The following KCNK2 variants were observed in gnomAD, a reference collection of about 807,000 sequenced individuals.
The protein encoded by KCNK2 is potassium two pore domain channel subfamily K member 2, also known as potassium channel subfamily K member 2.
A neutral mutation model predicts 40.5 loss-of-function variants in KCNK2; 21 were observed. The observed-to-expected ratio is 0.52, with a 90% CI of 0.37 to 0.75. KCNK2 has a LOEUF of 0.75. Ranked by LOEUF, KCNK2 falls within the 30% of genes least tolerant of loss-of-function variation. The pLI is 0.00. For missense variants in KCNK2, 399 were observed against 531.6 expected, an observed-to-expected ratio of 0.75 and a Z score of 2.45; for synonymous variants, 191 against 202.2, an observed-to-expected ratio of 0.94 and a Z score of 0.47.
intron 1 of KCNK2, among the ~76,000 whole-genome samples, chr1:215,057,599 A>C (rs1474729779): frequency 6.6e-6 from 1 of 152,062 alleles, no homozygotes; most frequent in Non-Finnish European, 1.5e-5. Context: ...TATAGCTTCT[A>C]TTTTCTGTTT....
At chr1:215,013,284 C>A (rs1345088332) in intron 1 of KCNK2, among the ~76,000 whole-genome samples, 1 of 152,134 alleles carries the variant, frequency 6.6e-6, no homozygotes, top group Non-Finnish European at 1.5e-5. Flanking sequence ...TACTAAAAAT[C>A]AGTTGACCTG....
At chr1:215,021,766 T>C (rs1160126655) in intron 1 of KCNK2, among the ~76,000 whole-genome samples, 3 of 151,912 alleles carry the variant, frequency 2.0e-5, no homozygotes, top group African/African-American at 7.3e-5. Context: ...GCAAGGATGG[T>C]CTCAATCTCC....
intron 1 of KCNK2, among the ~76,000 whole-genome samples, chr1:215,064,875 A>G (rs528817901): frequency 6.6e-6 from 1 of 152,124 alleles, no homozygotes; most frequent in Admixed American, 6.5e-5. Context: ...TCTTCCTCCC[A>G]ATTTCTTGCC....
At chr1:215,095,328 C>A (rs550519603) in intron 2 of KCNK2, among the ~76,000 whole-genome samples, 1 of 152,188 alleles carries the variant, frequency 6.6e-6, no homozygotes, top group African/African-American at 2.4e-5. Flanking sequence ...GACAGTTATA[C>A]AGGAATGCGT....
intron 1 of KCNK2, among the ~76,000 whole-genome samples, chr1:215,048,826 T>G (rs778158230): frequency 1.3e-5 from 2 of 152,204 alleles, no homozygotes; most frequent in African/African-American, 2.4e-5. Context: ...TGAGTTTGCA[T>G]GTATCAATAG....
intron 1 of KCNK2, among the ~76,000 whole-genome samples, chr1:215,012,542 G>C (rs1002265900): frequency 9.9e-5 from 15 of 150,892 alleles, no homozygotes; most frequent in African/African-American, 3.2e-4. Flanking sequence ...AACAATCATA[G>C]TTCACAGCAG....
intron 2 of KCNK2, among the ~76,000 whole-genome samples, chr1:215,093,910 T>C (rs1414278675): frequency 8.7e-6 from 1 of 114,772 alleles, no homozygotes; most frequent in Non-Finnish European, 1.7e-5. Context: ...TATTATATAT[T>C]ATATATAAAA....
chr1:215,136,782 C>T (rs1661939908), intron 3 of KCNK2, among the ~76,000 whole-genome samples: 1 of 152,122 alleles, frequency 6.6e-6, no homozygotes, highest in Non-Finnish European at 1.5e-5. Flanking sequence ...TTGGCCAAAC[C>T]AACTTCAAGG....
intron 2 of KCNK2, among the ~76,000 whole-genome samples, chr1:215,090,826 T>A (rs1376464897): frequency 6.6e-6 from 1 of 152,208 alleles, no homozygotes; most frequent in Non-Finnish European, 1.5e-5. Flanking sequence ...GACAAGGTCA[T>A]CTGGTGGCCT....
chr1:215,220,997 C>T (rs1666148141), intron 6 of KCNK2, among the ~76,000 whole-genome samples: 1 of 152,170 alleles, frequency 6.6e-6, no homozygotes, highest in Non-Finnish European at 1.5e-5. Context: ...AACAATTTAC[C>T]CTTGAACAAT....
chr1:215,047,976 G>A (rs1156896333), intron 1 of KCNK2, among the ~76,000 whole-genome samples: 1 of 152,152 alleles, frequency 6.6e-6, no homozygotes, highest in Non-Finnish European at 1.5e-5. Context: ...TTTCTTCATG[G>A]AATTTTACCA....
At chr1:215,226,812 A>T (rs1666404693) in intron 6 of KCNK2, among the ~76,000 whole-genome samples, 1 of 152,216 alleles carries the variant, frequency 6.6e-6, no homozygotes, top group Admixed American at 6.5e-5. Flanking sequence ...AATAGGCGTG[A>T]TGTTCTTCAC....
At chr1:215,048,907 A>T (rs1037336570) in intron 1 of KCNK2, among the ~76,000 whole-genome samples, 1 of 152,214 alleles carries the variant, frequency 6.6e-6, no homozygotes, top group African/African-American at 2.4e-5. Flanking sequence ...CCATTCATCC[A>T]TCAACGGCAT....
intron 1 of KCNK2, among the ~76,000 whole-genome samples, chr1:215,012,122 A>G (rs1193591279): frequency 6.6e-6 from 1 of 152,166 alleles, no homozygotes; most frequent in Non-Finnish European, 1.5e-5. Flanking sequence ...TGCCCTGGAC[A>G]TAGTTTTTTT....
At chr1:215,101,119 T>G (rs1395651596) in intron 2 of KCNK2, among the ~76,000 whole-genome samples, 2 of 152,066 alleles carry the variant, frequency 1.3e-5, no homozygotes, top group African/African-American at 4.8e-5. Context: ...GTGTTTCTGT[T>G]TTTGAAAGGC....
At chr1:215,022,552 A>G (rs2102479311) in intron 1 of KCNK2, among the ~76,000 whole-genome samples, 1 of 152,270 alleles carries the variant, frequency 6.6e-6, no homozygotes, top group South Asian at 2.1e-4. Context: ...TTATGGAACC[A>G]TTACTATTCA....
intron 3 of KCNK2, among the ~76,000 whole-genome samples, chr1:215,168,069 T>G (rs1571688539): frequency 6.6e-6 from 1 of 152,058 alleles, no homozygotes; most frequent in East Asian, 1.9e-4. Flanking sequence ...AACAGACACT[T>G]CTCAAAAGAA....
chr1:215,059,448 G>A (rs565659899), intron 1 of KCNK2, among the ~76,000 whole-genome samples: 1 of 152,124 alleles, frequency 6.6e-6, no homozygotes, highest in South Asian at 2.1e-4. Flanking sequence ...TTAGTAATGA[G>A]TAAAATTTGC....
chr1:215,230,607 A>G (rs1666620692), intron 6 of KCNK2, among the ~76,000 whole-genome samples: 1 of 105,154 alleles, frequency 9.5e-6, no homozygotes, highest in Non-Finnish European at 2.1e-5. Context: ...ATATATATAT[A>G]GCCGTATATA....
Sources: gnomAD v4.1 joint callset for allele counts (sites outside exome capture counted in the v4.1 genomes callset) on GRCh38, gnomAD v4.1.1 for gene constraint, MANE v1.5 for transcripts, NCBI Gene and HGNC (gene_info 2026-07-23, HGNC 2026-07-21) for gene names.